UCMA: variants seen among roughly 807,000 people sequenced by gnomAD.
UCMA encodes the protein upper zone of growth plate and cartilage matrix associated.
Under a neutral mutation model 21.8 loss-of-function variants are expected in UCMA, and 21 were observed. The observed-to-expected ratio is 0.97, with a 90% CI of 0.68 to 1.39. The LOEUF is 1.39. Among genes scored for constraint, UCMA ranks in the 40% most tolerant of loss-of-function variants. The probability of loss-of-function intolerance (pLI) is 0.00; values close to 1 mark genes in which losing one functional copy is unlikely to be tolerated. For missense variants in UCMA, 193 were observed against 178.9 expected (o/e 1.08, Z -0.45); for synonymous variants, 76 against 67.9 (o/e 1.12, Z -0.58).
intron 3 of UCMA, among the ~76,000 whole-genome samples, chr10:13,232,815 T>C (rs921123433): frequency 6.6e-6 from 1 of 151,002 alleles, no homozygotes; most frequent in Non-Finnish European, 1.5e-5. Context: ...GGTTCAGGAG[T>C]AGAAACTCAA....
chr10:13,221,963 G>C lies in UCMA; in HGVS notation c.*140C>G. ...TCACACACTGGAAGGAAAGGCATGC[G>C]TCTTTTCAAGAGCTGCTGGCCACTG... On this transcript the variant is annotated 3_prime_UTR_variant, in exon 5 of 5. Coordinates refer to ENST00000378681, the MANE Select transcript of UCMA (RefSeq NM_145314.3). 1 of 764,728 alleles carries C rather than the reference G, an allele frequency of 1.3e-6. No individual in the cohort carries two copies. Among genetic ancestry groups the C allele is most frequent in the Non-Finnish European group, 2.2e-6 (1 of 459,904 alleles). The allele number at this position is 764,728 out of a possible 1,614,324, so 47.4% of individuals were successfully genotyped here. A position where few individuals can be genotyped will look rare whatever the true frequency, so the allele number is the denominator to read the frequency against.
intron 3 of UCMA, 121 bp from the exon 4 acceptor site, chr10:13,229,830 G>A (rs760430685): frequency 2.0e-5 from 15 of 738,614 alleles, no homozygotes; most frequent in African/African-American, 3.5e-5. Flanking sequence ...GTTTGTGGGG[G>A]ATTGTGATTG....
intron 4 of UCMA, among the ~76,000 whole-genome samples, chr10:13,223,149 C>G (rs746680986): frequency 4.0e-5 from 6 of 150,672 alleles, no homozygotes; most frequent in Admixed American, 2.0e-4. Flanking sequence ...TCACTTGAAC[C>G]TGGGAGGTGG....
In UCMA at chr10:13,233,536, A is replaced by T; in HGVS notation, c.220+2T>A. 6 of 1,613,410 alleles carry T rather than the reference A, an allele frequency of 3.7e-6. No homozygotes were observed. The highest frequency in any genetic ancestry group is 5.1e-6 in the Non-Finnish European group (6 of 1,179,674). ...GGGATGGGGTCCCTCCAGCATCCTT[A>T]CCATTGACCTCATCTCTGGACTTGG... On this transcript the variant is annotated splice_donor_variant, in intron 3 of 4. Transcript: ENST00000378681. LOFTEE classifies it high-confidence loss of function.
At chr10:13,233,147 G>A (rs866448724) in intron 3 of UCMA, among the ~76,000 whole-genome samples, 6 of 152,100 alleles carry the variant, frequency 3.9e-5, no homozygotes, top group South Asian at 2.1e-4. Flanking sequence ...ACCAGTACCC[G>A]CAAAGCACAC....
chr10:13,222,402 C>T (rs538348047), intron 4 of UCMA, among the ~76,000 whole-genome samples: 4 of 152,150 alleles, frequency 2.6e-5, no homozygotes, highest in Non-Finnish European at 5.9e-5. Context: ...CCCAGATGGG[C>T]GAAGGTCACA....
chr10:13,227,969 T>C (rs1277493463), intron 4 of UCMA, among the ~76,000 whole-genome samples: 2 of 151,742 alleles, frequency 1.3e-5, no homozygotes. Flanking sequence ...GCCAGCACTT[T>C]CTAAGAGCAG....
chr10:13,231,956 G>GACC (rs1834904362), intron 3 of UCMA, among the ~76,000 whole-genome samples: 4 of 152,130 alleles, frequency 2.6e-5, no homozygotes, highest in Non-Finnish European at 5.9e-5. Flanking sequence ...ATGCATTCAT[G>GACC]CACAATCCTG....
intron 4 of UCMA, among the ~76,000 whole-genome samples, chr10:13,227,541 AT>A (rs1366378593): frequency 2.0e-5 from 3 of 151,956 alleles, no homozygotes; most frequent in African/African-American, 7.3e-5. Flanking sequence ...AACATAGTAA[AT>A]CCCCATCTCT....
At chr10:13,228,514 G>T (rs773568604) in intron 4 of UCMA, among the ~76,000 whole-genome samples, 1 of 152,214 alleles carries the variant, frequency 6.6e-6, no homozygotes, top group Non-Finnish European at 1.5e-5. Flanking sequence ...GATGCTGCAG[G>T]TGGGGTGAGA....
intron 4 of UCMA, among the ~76,000 whole-genome samples, chr10:13,224,118 G>GT (rs1834793890): frequency 6.6e-6 from 1 of 152,176 alleles, no homozygotes; most frequent in Admixed American, 6.5e-5. Context: ...GAAGCCAGGA[G>GT]TTTGAGACCA....
intron 3 of UCMA, among the ~76,000 whole-genome samples, chr10:13,231,947 TG>T (rs940968191): frequency 2.0e-4 from 30 of 152,150 alleles, no homozygotes; most frequent in African/African-American, 7.2e-4. Context: ...TGACAGCAGA[TG>T]CATTCATGCA....
At chr10:13,229,836 G>A (rs376615420) in intron 3 of UCMA, 127 bp from the exon 4 acceptor site, 47 of 668,742 alleles carry the variant, frequency 7.0e-5, no homozygotes, top group East Asian at 2.4e-4. Flanking sequence ...GGGGGATTGT[G>A]ATTGGAGACT....
At chr10:13,230,087 G>A (rs1387261480) in intron 3 of UCMA, among the ~76,000 whole-genome samples, 5 of 152,026 alleles carry the variant, frequency 3.3e-5, no homozygotes, top group African/African-American at 9.7e-5. Flanking sequence ...CAACATTTTC[G>A]AGCTCTTATC....
chr10:13,223,818 C>T (rs1001676161), intron 4 of UCMA, among the ~76,000 whole-genome samples: 2 of 151,630 alleles, frequency 1.3e-5, no homozygotes, highest in Admixed American at 1.3e-4. Context: ...TTCCAAAGCA[C>T]TAGTATTACA....
At chr10:13,226,405 T>C (rs907752567) in intron 4 of UCMA, among the ~76,000 whole-genome samples, 1 of 152,142 alleles carries the variant, frequency 6.6e-6, no homozygotes, top group African/African-American at 2.4e-5. Flanking sequence ...ACTCCTGGGC[T>C]GAAGCCATCC....
At chr10:13,229,821 T>A in intron 3 of UCMA, 112 bp from the exon 4 acceptor site, 1 of 811,876 alleles carries the variant, frequency 1.2e-6, no homozygotes, top group Non-Finnish European at 2.0e-6. Context: ...GGATGAGTGG[T>A]TTGTGGGGGA....
chr10:13,229,571 C>T (rs774961083), intron 4 of UCMA, 40 bp downstream of exon 4: 71 of 1,557,896 alleles, frequency 4.6e-5, no homozygotes, highest in South Asian at 2.4e-4. Flanking sequence ...TTCTCCCCAA[C>T]GCTCCACCTC....
At chr10:13,225,228 T>A (rs1183770944) in intron 4 of UCMA, among the ~76,000 whole-genome samples, 1 of 152,050 alleles carries the variant, frequency 6.6e-6, no homozygotes, top group Non-Finnish European at 1.5e-5. Flanking sequence ...TAATTTTTAA[T>A]AGAGACAAGG....
Sources: gnomAD v4.1 joint callset for allele counts (sites outside exome capture counted in the v4.1 genomes callset) on GRCh38, gnomAD v4.1.1 for gene constraint, MANE v1.5 for transcripts, NCBI Gene and HGNC (gene_info 2026-07-23, HGNC 2026-07-21) for gene names.